GRM8: variants seen among roughly 807,000 people sequenced by gnomAD.
GRM8 encodes glutamate metabotropic receptor 8.
Under a neutral mutation model 87.2 loss-of-function variants are expected in GRM8, and 47 were observed. That is an observed-to-expected ratio of 0.54 (90% confidence interval 0.43 to 0.69). GRM8 has a LOEUF of 0.69. Ranked by LOEUF, GRM8 falls within the 30% of genes least tolerant of loss-of-function variation. The pLI is 0.00. For synonymous variants in GRM8, 396 were observed against 404.5 expected, an observed-to-expected ratio of 0.98 and a Z score of 0.25; for missense variants, 1,019 against 1,139.2, an observed-to-expected ratio of 0.89 and a Z score of 1.52.
rs35544185 is a variant in GRM8 at position 126,864,034 on chromosome 7, C to CTTT, written c.1156+38505_1156+38507dup. ...ACTTACTTTATCTTGCTATGTGTGG[C>CTTT]TTTTTTTTTTTTTTTTTGTAGAGAC... is the stretch of plus-strand genomic sequence containing the variant. On this transcript the variant is annotated intron_variant, in intron 6 of 10. Transcript: ENST00000339582. Among the ~76,000 whole-genome samples the CTTT allele has an allele frequency of 4.1e-3, 482 of 117,842 alleles. 20 individuals are homozygous for CTTT. Among genetic ancestry groups the CTTT allele is most frequent in the African/African-American group, 9.6e-3 (294 of 30,558 alleles). The allele number at this position is 117,842 out of a possible 152,430, so 77.3% of individuals were successfully genotyped here. A position where few individuals can be genotyped will look rare whatever the true frequency, so the allele number is the denominator to read the frequency against.
chr7:126,797,233 C>T (rs897040339), intron 6 of GRM8, among the ~76,000 whole-genome samples: 1 of 151,996 alleles, frequency 6.6e-6, no homozygotes, highest in Non-Finnish European at 1.5e-5. Flanking sequence ...AAGGTTACAA[C>T]TTAATAAGAG....
chr7:127,217,866 C>A (rs1382959833), intron 2 of GRM8, among the ~76,000 whole-genome samples: 1 of 152,200 alleles, frequency 6.6e-6, no homozygotes, highest in Non-Finnish European at 1.5e-5. Context: ...CTAAACAAAT[C>A]AATTATAAAA....
chr7:126,774,888 A>C (rs1341366440), intron 6 of GRM8, among the ~76,000 whole-genome samples: 1 of 152,194 alleles, frequency 6.6e-6, no homozygotes. Context: ...TTTTTAAGTT[A>C]AAATGTCAGA....
chr7:126,489,508 C>T (rs1451706786), intron 9 of GRM8, among the ~76,000 whole-genome samples: 1 of 151,970 alleles, frequency 6.6e-6, no homozygotes, highest in Non-Finnish European at 1.5e-5. Context: ...GCAAAGACGC[C>T]TTATTACCCG....
At chr7:127,026,548 G>C (rs143356376) in intron 3 of GRM8, among the ~76,000 whole-genome samples, 2,133 of 152,240 alleles carry the variant, frequency 0.014, 47 homozygotes, top group African/African-American at 0.048. Flanking sequence ...ATTCTAACTG[G>C]CATGAGATGG....
chr7:126,789,532 G>A (rs900700357), intron 6 of GRM8, among the ~76,000 whole-genome samples: 2 of 152,074 alleles, frequency 1.3e-5, no homozygotes, highest in African/African-American at 2.4e-5. Flanking sequence ...TTCCACAGCC[G>A]CTAATTTATT....
At chr7:126,833,293 C>A (rs558006341) in intron 6 of GRM8, among the ~76,000 whole-genome samples, 27 of 152,278 alleles carry the variant, frequency 1.8e-4, no homozygotes, top group Admixed American at 3.3e-4. Context: ...CAACTATTTG[C>A]GAGAACTTAT....
intron 3 of GRM8, among the ~76,000 whole-genome samples, chr7:126,945,832 T>G (rs1807474690): frequency 6.6e-6 from 1 of 152,220 alleles, no homozygotes; most frequent in Admixed American, 6.5e-5. Flanking sequence ...TATGTAGAGA[T>G]GCACACATAA....
At chr7:126,582,088 A>G (rs557335305) in intron 8 of GRM8, among the ~76,000 whole-genome samples, 39 of 152,348 alleles carry the variant, frequency 2.6e-4, no homozygotes, top group African/African-American at 8.9e-4. Context: ...TGAGGAAGGT[A>G]TATCAAAAGC....
Position 126,747,122 on chromosome 7 carries a change from T to C in GRM8, c.1357+22743A>G, listed in dbSNP as rs540578046. 2.6e-5 allele frequency among the ~76,000 whole-genome samples: 4 copies of C among 152,050 alleles called. No homozygotes were observed. The East Asian group carries it at 7.7e-4, about 29-fold the overall frequency. On this transcript the variant is annotated intron_variant, in intron 7 of 10. Coordinates refer to ENST00000339582, the MANE Select transcript of GRM8 (RefSeq NM_000845.3). The stretch of plus-strand genomic sequence containing the variant: ...TACACTATTTTCAACATAACATATA[T>C]TCAGTACCATTAAATGTCAAATCAC...
Position 126,533,893 on chromosome 7 carries a change from G to C in GRM8, c.1495-6C>G. The C allele has an allele frequency of 6.3e-7, 1 of 1,595,924 alleles. No homozygotes were observed. Among genetic ancestry groups the C allele is most frequent in the Non-Finnish European group, 8.5e-7 (1 of 1,170,686 alleles). ...GCCCACTGCATGTCTTCCACCTGTG[G>C]GTATAAAAAATTAATGAGCCTTCCA... On this transcript the variant is annotated splice_region_variant and splice_polypyrimidine_tract_variant and intron_variant, in intron 8 of 10. Transcript: ENST00000339582.
chr7:126,740,025 C>T (rs557336779), intron 7 of GRM8, among the ~76,000 whole-genome samples: 11 of 152,182 alleles, frequency 7.2e-5, no homozygotes, highest in African/African-American at 2.4e-4. Flanking sequence ...ACACATTTCT[C>T]AGAACATGCC....
intron 1 of GRM8, chr7:127,250,769 T>C (rs1387862901): frequency 6.6e-6 from 1 of 152,224 alleles, no homozygotes; most frequent in Non-Finnish European, 1.5e-5. Flanking sequence ...CTGTAGCCAT[T>C]TGCAATTATT....
chr7:126,895,865 A>G (rs1801496749), intron 6 of GRM8, among the ~76,000 whole-genome samples: 1 of 151,712 alleles, frequency 6.6e-6, no homozygotes, highest in Admixed American at 6.6e-5. Context: ...GTAATAACCA[A>G]TATGTTATTT....
At chr7:126,886,606 C>G (rs766593169) in intron 6 of GRM8, among the ~76,000 whole-genome samples, 6 of 152,102 alleles carry the variant, frequency 3.9e-5, no homozygotes, top group Non-Finnish European at 7.4e-5. Context: ...CTACATAAAT[C>G]CATTAATGCC....
intron 6 of GRM8, among the ~76,000 whole-genome samples, chr7:126,884,363 A>G (rs1332239086): frequency 6.6e-6 from 1 of 152,184 alleles, no homozygotes; most frequent in Admixed American, 6.5e-5. Flanking sequence ...AAATGTTTAT[A>G]TGGGAGTTCT....
At chr7:127,051,563 A>ACTATATAT (rs1318115387) in intron 3 of GRM8, among the ~76,000 whole-genome samples, 1 of 152,008 alleles carries the variant, frequency 6.6e-6, no homozygotes, top group Non-Finnish European at 1.5e-5. Flanking sequence ...TGCAAAAACA[A>ACTATATAT]CTATATATAC....
chr7:126,839,940 T>C (rs2130564970), intron 6 of GRM8, among the ~76,000 whole-genome samples: 1 of 152,330 alleles, frequency 6.6e-6, no homozygotes, highest in East Asian at 1.9e-4. Flanking sequence ...CTTACATCAA[T>C]CAGCCCAATA....
chr7:126,794,101 C>A (rs1585962561), intron 6 of GRM8, among the ~76,000 whole-genome samples: 1 of 151,244 alleles, frequency 6.6e-6, no homozygotes, highest in Non-Finnish European at 1.5e-5. Context: ...TCAGAAATCA[C>A]AAAAACAAAG....
Sources: allele counts gnomAD v4.1 joint callset (sites outside exome capture counted in the v4.1 genomes callset), GRCh38; gene constraint gnomAD v4.1.1; transcripts MANE v1.5; gene names NCBI Gene and HGNC (gene_info 2026-07-23, HGNC 2026-07-21).